MYO7A: variants seen among roughly 807,000 people sequenced by gnomAD.
MYO7A encodes myosin VIIA, also known as unconventional myosin-VIIa.
In MYO7A, 210 loss-of-function variants were observed where a neutral mutation model predicts 263.8. The observed-to-expected ratio is 0.80, with a 90% CI of 0.71 to 0.89. The LOEUF (loss-of-function observed/expected upper bound fraction) is 0.89. MYO7A is among the 40% of genes least tolerant of loss of function. The pLI is 0.00. For missense variants in MYO7A, 2,820 were observed against 2,968.3 expected, an observed-to-expected ratio of 0.95 and a Z score of 1.16; for synonymous variants, 1,239 against 1,197.3, an observed-to-expected ratio of 1.03 and a Z score of -0.72.
At chr11:77,166,674 A>T (rs966407215) in intron 15 of MYO7A, among the ~76,000 whole-genome samples, 33 of 151,998 alleles carry the variant, frequency 2.2e-4, no homozygotes, top group African/African-American at 7.7e-4. Flanking sequence ...TTTTTATTTC[A>T]TATTTTCCTC....
rs915634272 is a variant in MYO7A at position 77,195,114 on chromosome 11, C to T, written c.4323+590C>T. Among the ~76,000 whole-genome samples the T allele has an allele frequency of 3.9e-5, 6 of 152,086 alleles. No homozygotes were observed. The East Asian group carries it at 5.8e-4, about 15-fold the overall frequency. On this transcript the variant is annotated intron_variant, in intron 32 of 48. Coordinates refer to ENST00000409709, the MANE Select transcript of MYO7A (RefSeq NM_000260.4). ...AAGAGAATTGCCCCCGTACATAAGT[C>T]GAGGGCTCCATAGTCTGAGGGCACC...
rs1555085471 is a variant in MYO7A at position 77,182,482 on chromosome 11, A to G, written c.3167A>G (p.Lys1056Arg). 9.3e-6 allele frequency: 15 copies of G among 1,610,818 alleles called. No homozygotes were observed. The South Asian group carries it at 1.5e-4, about 17-fold the overall frequency. ...TTCATGGGGGACCTCCCTGAGCCCA[A>G]GTACCACACAGCCATGAGTGATGGC... ...LRFMGDLPEP[K>R]YHTAMSDGSE... Residue 1056 changes from lysine (K) to arginine (R), a missense_variant, in exon 25 of 49, where the codon AAG becomes AGG. Lys to Arg is a conservative substitution (Grantham distance 26, BLOSUM62 2). Transcript: ENST00000409709.
At chr11:77,205,809 G>T (rs1020666053) in intron 40 of MYO7A, among the ~76,000 whole-genome samples, 192 bp downstream of exon 40, 1 of 152,090 alleles carries the variant, frequency 6.6e-6, no homozygotes, top group Non-Finnish European at 1.5e-5. Context: ...CCGGCTGCTC[G>T]GGAGTGCTCA....
At chr11:77,145,130 C>T (rs191555174) in intron 3 of MYO7A, among the ~76,000 whole-genome samples, 2 of 152,246 alleles carry the variant, frequency 1.3e-5, no homozygotes, top group Non-Finnish European at 2.9e-5. Context: ...CTCTTGAGTC[C>T]GGCTCGTCAC....
Position 77,162,304 on chromosome 11 carries a change from A to G in MYO7A, c.1528A>G (p.Ile510Val), listed in dbSNP as rs1555069582. 1.3e-6 allele frequency: 2 copies of G among 1,551,926 alleles called. No homozygotes were observed. The highest frequency in any genetic ancestry group is 2.0e-5 in the Admixed American group (1 of 51,018). ...ANKPMNIISL[I>V]DEESKFPKGT... Reference sequence around the variant, plus strand: ...CAAGCCCATGAACATCATCTCCCTCATCGATGAGGAGAGCAAGTTCCCCAA... The same window carrying G: ...CAAGCCCATGAACATCATCTCCCTCGTCGATGAGGAGAGCAAGTTCCCCAA... The change falls in exon 13 of 49, where the codon ATC (isoleucine) becomes GTC (valine). Residue 510 changes from isoleucine to valine, a missense_variant. Ile to Val is a conservative substitution (Grantham distance 29). Coordinates refer to ENST00000409709, the MANE Select transcript of MYO7A (RefSeq NM_000260.4).
chr11:77,145,854 G>A (rs1951523349), intron 3 of MYO7A, among the ~76,000 whole-genome samples: 1 of 152,150 alleles, frequency 6.6e-6, no homozygotes, highest in African/African-American at 2.4e-5. Context: ...ACCCTCCTCC[G>A]AGCCTGTTTT....
intron 2 of MYO7A, chr11:77,142,443 GC>G: frequency 2.4e-6 from 1 of 419,236 alleles, no homozygotes; most frequent in Non-Finnish European, 4.6e-6. Flanking sequence ...GCTTTGAGAG[GC>G]CTTGGCTCTC....
At chr11:77,143,920 A>G (rs915780289) in intron 3 of MYO7A, among the ~76,000 whole-genome samples, 2 of 152,172 alleles carry the variant, frequency 1.3e-5, no homozygotes, top group African/African-American at 2.4e-5. Flanking sequence ...TGCAGCCCTC[A>G]GGTGCATCCC....
chr11:77,203,032 G>A (rs41298751), intron 37 of MYO7A, 28 bp from the exon 38 acceptor site: 2,425 of 1,544,192 alleles, frequency 1.6e-3, no homozygotes, highest in Non-Finnish European at 1.9e-3. Context: ...GCGATGGGGC[G>A]TTGCTGACGG....
intron 34 of MYO7A, among the ~76,000 whole-genome samples, 197 bp downstream of exon 34, chr11:77,198,818 G>C (rs897068966): frequency 6.6e-6 from 1 of 152,240 alleles, no homozygotes; most frequent in African/African-American, 2.4e-5. Context: ...AGCACATTAA[G>C]GCTGTTCTGA....
intron 39 of MYO7A, among the ~76,000 whole-genome samples, chr11:77,205,177 G>GCA (rs1957358792): frequency 6.6e-6 from 1 of 152,218 alleles, no homozygotes; most frequent in African/African-American, 2.4e-5. Flanking sequence ...TAACCCGGTG[G>GCA]CTTTTCATTG....
intron 31 of MYO7A, among the ~76,000 whole-genome samples, chr11:77,193,801 G>A (rs560893965): frequency 2.6e-4 from 40 of 152,290 alleles, no homozygotes; most frequent in Middle Eastern, 3.4e-3. Context: ...GCAGAGAAGG[G>A]GCAAATGCCC....
chr11:77,144,151 C>T (rs570710226), intron 3 of MYO7A, among the ~76,000 whole-genome samples: 22 of 152,124 alleles, frequency 1.4e-4, no homozygotes, highest in Non-Finnish European at 2.8e-4. Flanking sequence ...ATCTCAGCGG[C>T]GACTTTGGAG....
intron 3 of MYO7A, among the ~76,000 whole-genome samples, chr11:77,143,743 C>T (rs901989117): frequency 2.2e-4 from 34 of 152,314 alleles, no homozygotes; most frequent in African/African-American, 7.9e-4. Flanking sequence ...GGCTGGGACA[C>T]AGAATTGGAC....
intron 20 of MYO7A, 97 bp from the exon 21 acceptor site, chr11:77,179,638 G>A (rs1555082478): frequency 1.7e-6 from 2 of 1,148,530 alleles, no homozygotes; most frequent in South Asian, 1.6e-5. Flanking sequence ...GGGGGTGCCT[G>A]TCTGAGAGTG....
chr11:77,185,922 ATTT>A (rs370558760), intron 27 of MYO7A, among the ~76,000 whole-genome samples: 3 of 137,874 alleles, frequency 2.2e-5, no homozygotes, highest in African/African-American at 2.7e-5. Context: ...CTTGTACATC[ATTT>A]TTTTTTTTTT....
chr11:77,147,854 G>T lies in MYO7A; in HGVS notation c.189G>T (p.Ser63=). Residue 63 remains serine (S), a synonymous_variant, in exon 4 of 49, where the codon TCG becomes TCT. Transcript: ENST00000409709. ...ATHIKPMHPT[S]VHGVEDMIRL... The stretch of plus-strand genomic sequence containing the variant: ...ACATCAAGCCTATGCACCCCACGTC[G>T]GTCCACGGCGTGGAGGACATGATCC... 2 of 1,608,666 alleles carry T rather than the reference G, an allele frequency of 1.2e-6. No homozygotes were observed. The highest frequency in any genetic ancestry group is 1.1e-5 in the South Asian group (1 of 89,552).
At chr11:77,135,326 T>C (rs1416810587) in intron 2 of MYO7A, among the ~76,000 whole-genome samples, 1 of 152,254 alleles carries the variant, frequency 6.6e-6, no homozygotes, top group Non-Finnish European at 1.5e-5. Flanking sequence ...ATTTGTCTTT[T>C]TGTGATGGCT....
intron 15 of MYO7A, among the ~76,000 whole-genome samples, chr11:77,170,034 G>A (rs1953938749): frequency 1.3e-5 from 2 of 152,226 alleles, no homozygotes; most frequent in Non-Finnish European, 2.9e-5. Context: ...TCGTACCACT[G>A]TGCTCCAGCC....
Sources: allele counts gnomAD v4.1 joint callset (sites outside exome capture counted in the v4.1 genomes callset), GRCh38; gene constraint gnomAD v4.1.1; transcripts MANE v1.5; gene names NCBI Gene and HGNC (gene_info 2026-07-23, HGNC 2026-07-21).